Variants in LIMCH1 observed in about 807,000 individuals in gnomAD.
LIMCH1 encodes LIM and calponin homology domains-containing protein 1.
LIMCH1 carries 113 observed loss-of-function variants against 176.5 expected under a neutral mutation model. The observed-to-expected ratio is 0.64, with a 90% confidence interval of 0.55 to 0.75. The LOEUF is 0.75. LIMCH1 is among the 30% of genes least tolerant of loss of function. The pLI is 0.00. For missense variants in LIMCH1, 1,674 were observed against 1,814.9 expected (o/e 0.92, Z 1.41); for synonymous variants, 619 against 645.9 (o/e 0.96, Z 0.63).
chr4:41,623,095 C>G (rs1203599566), intron 7 of LIMCH1, among the ~76,000 whole-genome samples: 2 of 152,158 alleles, frequency 1.3e-5, no homozygotes, highest in Non-Finnish European at 2.9e-5. Context: ...GAGAGTCATT[C>G]TAAGTTTATC....
At chr4:41,513,220 G>C (rs1446211431) in intron 2 of LIMCH1, among the ~76,000 whole-genome samples, 2 of 152,210 alleles carry the variant, frequency 1.3e-5, no homozygotes, top group Non-Finnish European at 2.9e-5. Context: ...GGAAGAATGA[G>C]AAGATGTTAT....
Position 41,466,312 on chromosome 4 carries a change from C to T in LIMCH1, c.97-28224C>T, listed in dbSNP as rs188246436. 3.3e-4 allele frequency among the ~76,000 whole-genome samples: 51 copies of T among 152,302 alleles called. 1 individual carries two copies. Among genetic ancestry groups the T allele is most frequent in the Middle Eastern group, 6.8e-3 (2 of 294 alleles). On this transcript the variant is annotated intron_variant, in intron 1 of 26. Transcript: ENST00000313860. ...ACCTCTACTCTAGATCAGTAGTTCTCCACCCCGAGGACACATTAAATTAAC... is the reference window on the plus strand; with the variant it reads ...ACCTCTACTCTAGATCAGTAGTTCTTCACCCCGAGGACACATTAAATTAAC...
At chr4:41,437,549 A>T (rs1378359355) in intron 1 of LIMCH1, among the ~76,000 whole-genome samples, 1 of 152,250 alleles carries the variant, frequency 6.6e-6, no homozygotes, top group African/African-American at 2.4e-5. Flanking sequence ...TTTTACAGGC[A>T]TACGTAGCAT....
At chr4:41,498,892 T>C (rs1459676269) in intron 2 of LIMCH1, among the ~76,000 whole-genome samples, 2 of 151,974 alleles carry the variant, frequency 1.3e-5, no homozygotes, top group Non-Finnish European at 2.9e-5. Flanking sequence ...TTTTTTTAAC[T>C]GGCCTTCTTG....
At chr4:41,433,566 C>G (rs1244630046) in intron 1 of LIMCH1, among the ~76,000 whole-genome samples, 1 of 152,044 alleles carries the variant, frequency 6.6e-6, no homozygotes, top group African/African-American at 2.4e-5. Flanking sequence ...CTCCACGTGG[C>G]CTTTCTACCT....
At chr4:41,697,045 C>A in intron 31 of LIMCH1, 115 bp from the exon 32 acceptor site, 2 of 1,036,372 alleles carry the variant, frequency 1.9e-6, no homozygotes, top group South Asian at 1.4e-5. Context: ...AGTTTCTGGT[C>A]CCCAGGAAGA....
chr4:41,538,804 GC>G (rs1178870398), intron 1 of LIMCH1, among the ~76,000 whole-genome samples: 4 of 152,120 alleles, frequency 2.6e-5, no homozygotes, highest in African/African-American at 4.8e-5. Context: ...TGACTCCACA[GC>G]CCCCTTTGCT....
chr4:41,395,356 C>T (rs1049478576), intron 1 of LIMCH1, among the ~76,000 whole-genome samples: 18 of 151,756 alleles, frequency 1.2e-4, no homozygotes, highest in African/African-American at 3.6e-4. Flanking sequence ...TCTCACCCTC[C>T]CAAGTAGCTG....
chr4:41,633,040 A>G lies in LIMCH1; in HGVS notation c.1784A>G (p.Glu595Gly). ...EETESAPRDSERLSKAERSED... is the reference protein window; with the variant it reads ...EETESAPRDSGRLSKAERSED... ...ACAGAAAGCGCTCCAAGAGATTCTG[A>G]GAGGCTGTCAAAGGCAGAAAGATCA... The change falls in exon 12 of 32, where the codon GAG becomes GGG. Residue 595 changes from glutamate to glycine, a missense_variant. Coordinates refer to ENST00000503057, the MANE Select transcript of LIMCH1 (RefSeq NM_001330672.2). 3 of 1,536,038 alleles carry G rather than the reference A, an allele frequency of 2.0e-6. No individual in the cohort carries two copies. Among genetic ancestry groups the G allele is most frequent in the Non-Finnish European group, 2.6e-6 (3 of 1,146,912 alleles).
At chr4:41,415,407 C>G (rs971756687) in intron 1 of LIMCH1, among the ~76,000 whole-genome samples, 1 of 151,846 alleles carries the variant, frequency 6.6e-6, no homozygotes, top group Non-Finnish European at 1.5e-5. Context: ...CCTCTCTTGC[C>G]CCCTCCCCTC....
intron 1 of LIMCH1, among the ~76,000 whole-genome samples, chr4:41,579,102 T>C (rs1365362171): frequency 6.6e-6 from 1 of 151,824 alleles, no homozygotes; most frequent in Non-Finnish European, 1.5e-5. Flanking sequence ...TCTGGGAGAA[T>C]GGAGTAGCAC....
intron 6 of LIMCH1, 40 bp downstream of exon 6, chr4:41,619,480 A>G (rs1331291870): frequency 6.3e-7 from 1 of 1,599,102 alleles, no homozygotes; most frequent in African/African-American, 1.3e-5. Context: ...TGGCTTGGGC[A>G]TGAGTGGTTT....
At position 41,618,553 on chromosome 4, in the gene LIMCH1, A is replaced by G. The variant is rs951673811; in HGVS notation, c.206-635A>G. 2.6e-5 allele frequency among the ~76,000 whole-genome samples: 4 copies of G among 152,198 alleles called. No homozygotes were observed. The East Asian group carries it at 5.8e-4, about 22-fold the overall frequency. On this transcript the variant is annotated intron_variant, in intron 5 of 31. Coordinates refer to ENST00000503057, the MANE Select transcript of LIMCH1 (RefSeq NM_001330672.2). The stretch of plus-strand genomic sequence containing the variant: ...GAAGAAAAGACAAGATCATGGGGGC[A>G]TAGGGTTCACAGGAAGAACAGATTG...
intron 1 of LIMCH1, among the ~76,000 whole-genome samples, chr4:41,481,243 A>C (rs114383109): frequency 6.8e-4 from 104 of 152,336 alleles, no homozygotes; most frequent in African/African-American, 2.0e-3. Flanking sequence ...CACAAACTGA[A>C]TAGATATAGG....
intron 1 of LIMCH1, among the ~76,000 whole-genome samples, chr4:41,437,278 G>A (rs1395779438): frequency 6.6e-6 from 1 of 152,216 alleles, no homozygotes; most frequent in East Asian, 1.9e-4. Flanking sequence ...CTCAACTAGT[G>A]AAACAGGAGC....
chr4:41,412,065 A>G (rs1345135678), intron 1 of LIMCH1, among the ~76,000 whole-genome samples: 1 of 151,604 alleles, frequency 6.6e-6, no homozygotes, highest in African/African-American at 2.4e-5. Flanking sequence ...CCTCATTAGC[A>G]GAGATTATTA....
rs199600927 is a variant in LIMCH1 at position 41,613,193 on chromosome 4, C to CT, written c.10-263dup. On this transcript the variant is annotated intron_variant, in intron 4 of 31. Coordinates refer to ENST00000503057, the MANE Select transcript of LIMCH1 (RefSeq NM_001330672.2). ...CCTTTCTTCTAATTCTTTCTCTACT[C>CT]TTTTTTTTTTAAACCTAGGGAATAT... The CT allele has an allele frequency of 4.2e-3, 3,992 of 949,748 alleles. 1 individual carries two copies. The highest frequency in any genetic ancestry group is 4.9e-3 in the South Asian group (267 of 54,944). The allele number at this position is 949,748 out of a possible 1,614,324, so 58.8% of individuals were successfully genotyped here.
chr4:41,457,997 A>G (rs1485553490), intron 1 of LIMCH1, among the ~76,000 whole-genome samples: 3 of 152,210 alleles, frequency 2.0e-5, no homozygotes, highest in Non-Finnish European at 4.4e-5. Context: ...GGAGGCAATT[A>G]ATAAGTATGT....
chr4:41,667,075 C>T (rs1277250986), intron 21 of LIMCH1, among the ~76,000 whole-genome samples: 4 of 151,066 alleles, frequency 2.6e-5, no homozygotes, highest in African/African-American at 7.3e-5. Context: ...CCACTGCACT[C>T]GAGCCTGGTG....
Sources: allele counts gnomAD v4.1 joint callset (sites outside exome capture counted in the v4.1 genomes callset), GRCh38; gene constraint gnomAD v4.1.1; transcripts MANE v1.5; gene names NCBI Gene and HGNC (gene_info 2026-07-23, HGNC 2026-07-21).